Variants in ENPP7 observed in about 807,000 individuals in gnomAD.
ENPP7 encodes the protein ectonucleotide pyrophosphatase/phosphodiesterase family member 7.
ENPP7 carries 39 observed loss-of-function variants against 33.6 expected under a neutral mutation model. The ratio of observed to expected loss-of-function variants is 1.16; its 90% CI spans 0.90 to 1.52. The LOEUF is 1.52. Among genes scored for constraint, ENPP7 ranks in the 40% most tolerant of loss-of-function variants. The probability of loss-of-function intolerance (pLI) is 0.00; values close to 1 mark genes in which losing one functional copy is unlikely to be tolerated. For synonymous variants in ENPP7, 244 were observed against 274.3 expected (o/e 0.89, Z 1.09); for missense variants, 594 against 641.0 (o/e 0.93, Z 0.79).
rs782330921 is a variant in ENPP7 at position 79,735,204 on chromosome 17, C to T, written c.561C>T (p.Asp187=). 3 of 1,613,394 alleles carry T rather than the reference C, an allele frequency of 1.9e-6. No individual in the cohort carries two copies. In the East Asian group the frequency reaches 6.7e-5, roughly 36 times the overall value. The change falls in exon 3 of 6, where the codon GAC becomes GAT. Residue 187 remains aspartate (D), a synonymous_variant. Transcript: ENST00000328313. This position sits in a 1 kb window ranked among gnomAD's most constrained non-coding sequence, Gnocchi z 5.5. ...TGATGGCGTGGTTCACAGAGGAGGA[C>T]CTGGATCTGGTCACACTCTACTTCG... is the stretch of plus-strand genomic sequence containing the variant. ...DTVMAWFTEE[D]LDLVTLYFGE...
intron 1 of ENPP7, among the ~76,000 whole-genome samples, chr17:79,732,121 C>CATATATATATACAT: frequency 2.5e-4 from 12 of 48,752 alleles, no homozygotes; most frequent in Non-Finnish European, 3.5e-4. Flanking sequence ...TATATATATA[C>CATATATATATACAT]ATATATATAT....
chr17:79,736,854 C>G (rs1259929914), intron 3 of ENPP7, among the ~76,000 whole-genome samples, 187 bp from the exon 4 acceptor site: 1 of 152,214 alleles, frequency 6.6e-6, no homozygotes, highest in African/African-American at 2.4e-5. Context: ...TGGACCTTCC[C>G]TGAACTTCAC....
chr17:79,736,946 C>T (rs1555823699), intron 3 of ENPP7, 95 bp from the exon 4 acceptor site: 5 of 1,014,146 alleles, frequency 4.9e-6, no homozygotes, highest in Admixed American at 2.0e-5. Flanking sequence ...CGTTGGTGCT[C>T]CTTCCTAAGG....
chr17:79,737,468 G>C lies in ENPP7; in HGVS notation c.1246+208G>C, dbSNP rs1258972618. Among the ~76,000 whole-genome samples the C allele has an allele frequency of 6.6e-6, 1 of 152,212 alleles. No homozygotes were observed. Among genetic ancestry groups the C allele is most frequent in the African/African-American group, 2.4e-5 (1 of 41,458 alleles). ...CATCTCGGGCGGCACGAGAGGGCGAGGGGGAGGAGTGGGCAGTCTTGCTCA... is the reference window on the plus strand; with the variant it reads ...CATCTCGGGCGGCACGAGAGGGCGACGGGGAGGAGTGGGCAGTCTTGCTCA... On this transcript the variant is annotated intron_variant, in intron 4 of 5. Transcript: ENST00000328313. The surrounding 1 kb of genome is among the most constrained non-coding windows in gnomAD (Gnocchi z 5.5).
intron 5 of ENPP7, 49 bp from the exon 6 acceptor site, chr17:79,741,745 C>T: frequency 1.0e-6 from 1 of 980,148 alleles, no homozygotes; most frequent in Non-Finnish European, 1.2e-6. Context: ...TGCCCTCAGC[C>T]TGCCCCATCC....
In ENPP7 at chr17:79,738,134, T is replaced by A; in HGVS notation, c.*16+72T>A. 1 of 1,508,006 alleles carries A rather than the reference T, an allele frequency of 6.6e-7. No homozygotes were observed. 93.4% of individuals were successfully genotyped at this position (1,508,006 alleles called of 1,614,324 possible). ...TGACCCTCCACCCTGATGTCCCAGC[T>A]ACAGTCCTAGGCAACCAGAACAGAG... On this transcript the variant is annotated intron_variant, in intron 5 of 5. Coordinates refer to ENST00000328313, the MANE Select transcript of ENPP7 (RefSeq NM_178543.5). This position sits in a 1 kb window ranked among gnomAD's most constrained non-coding sequence, Gnocchi z 6.2.
intron 1 of ENPP7, among the ~76,000 whole-genome samples, chr17:79,732,281 A>C (rs34491636): frequency 6.6e-6 from 1 of 150,624 alleles, no homozygotes; most frequent in African/African-American, 2.4e-5. Flanking sequence ...TGTGTCAAAA[A>C]AACAAACAAT....
chr17:79,735,955 G>T lies in ENPP7; in HGVS notation c.1026+286G>T, dbSNP rs1305305555. 1.3e-5 allele frequency among the ~76,000 whole-genome samples: 2 copies of T among 152,158 alleles called. No homozygotes were observed. Among genetic ancestry groups the T allele is most frequent in the Non-Finnish European group, 2.9e-5 (2 of 68,014 alleles). On this transcript the variant is annotated intron_variant, in intron 3 of 5. Transcript: ENST00000328313. The surrounding 1 kb of genome is among the most constrained non-coding windows in gnomAD (Gnocchi z 5.5). ...ACAGAGTTTCACTCTTGTCATCCAG[G>T]CTGGAGGGTAATGGTGCCATCTTGG...
At position 79,731,407 on chromosome 17, in the gene ENPP7, G is replaced by A. The variant is rs782746941; in HGVS notation, c.253+15G>A. 17 of 1,599,424 alleles carry A rather than the reference G, an allele frequency of 1.1e-5. No individual in the cohort carries two copies. The highest frequency in any genetic ancestry group is 1.3e-5 in the Non-Finnish European group (15 of 1,170,962). On this transcript the variant is annotated intron_variant, in intron 1 of 5. Coordinates refer to ENST00000328313, the MANE Select transcript of ENPP7 (RefSeq NM_178543.5). ...CCTGGTCACCGGTGAGTACTGCCCT[G>A]TGACGGGGCCTGGGGGTGGGAGGGC...
intron 1 of ENPP7, among the ~76,000 whole-genome samples, chr17:79,732,129 T>TATATATACATATATAC (rs1401531400): frequency 9.3e-5 from 2 of 21,484 alleles, no homozygotes; most frequent in African/African-American, 3.6e-4. Context: ...TACATATATA[T>TATATATACATATATAC]ATGTATATAT....
rs2145795384 is a variant in ENPP7 at position 79,737,830 on chromosome 17, C to A, written c.1247-86C>A. The stretch of plus-strand genomic sequence containing the variant: ...AAGAGGAAGGAGGGGCTCGTGGGGA[C>A]CAACAGAGGACCCCGAGTTTACTGT... On this transcript the variant is annotated intron_variant, in intron 4 of 5. Coordinates refer to ENST00000328313, the MANE Select transcript of ENPP7 (RefSeq NM_178543.5). This position sits in a 1 kb window ranked among gnomAD's most constrained non-coding sequence, Gnocchi z 5.5. 6.8e-7 allele frequency: 1 copy of A among 1,473,400 alleles called. No individual in the cohort carries two copies. Among genetic ancestry groups the A allele is most frequent in the East Asian group, 2.3e-5 (1 of 43,934 alleles). 91.3% of individuals were successfully genotyped at this position (1,473,400 alleles called of 1,614,324 possible).
chr17:79,742,093 G>T lies in ENPP7; in HGVS notation c.*316G>T, dbSNP rs567519564. The T allele has an allele frequency of 6.5e-5, 22 of 340,186 alleles. No homozygotes were observed. Among genetic ancestry groups the T allele is most frequent in the Non-Finnish European group, 8.7e-5 (21 of 240,094 alleles). 21.1% of individuals were successfully genotyped at this position (340,186 alleles called of 1,614,324 possible). On this transcript the variant is annotated 3_prime_UTR_variant, in exon 6 of 6. Coordinates refer to ENST00000328313, the MANE Select transcript of ENPP7 (RefSeq NM_178543.5). ...CGCTCCCGAAGCGGCGCTGCCGTCT[G>T]CAGCCACGCGGGGGCGCGCGGGAGC...
chr17:79,733,648 A>C lies in ENPP7; in HGVS notation c.394A>C (p.Arg132=), dbSNP rs535733167. The C allele has an allele frequency of 1.8e-4, 294 of 1,610,832 alleles. 3 individuals carry two copies. The South Asian group carries it at 3.0e-3, about 17-fold the overall frequency. Residue 132 remains arginine, a synonymous_variant, in exon 2 of 6, where the codon AGG becomes CGG. Transcript: ENST00000328313. Reference sequence around the variant, plus strand: ...CGTGCCCATCTGGATCACAGCCCAGAGGCAGGTAATGTCACCCCCGCCCAT... The same window carrying C: ...CGTGCCCATCTGGATCACAGCCCAGCGGCAGGTAATGTCACCCCCGCCCAT... ...GSVPIWITAQ[R]QGLRAGSFFY...
intron 5 of ENPP7, 73 bp from the exon 6 acceptor site, chr17:79,741,721 T>A: frequency 4.7e-6 from 4 of 851,260 alleles, no homozygotes; most frequent in Non-Finnish European, 5.6e-6. Context: ...CTGCTTCACC[T>A]GTCCCACCAG....
rs1245871894 is a variant in ENPP7, at chr17:79,731,074, C to G, written c.-66C>G. ...GAGATCAGCCCGGGTGACCCTGGGA[C>G]TTTGTCCTCCTCGGCAGGAGCCAGC... On this transcript the variant is annotated 5_prime_UTR_variant, in exon 1 of 6. Transcript: ENST00000328313. The G allele has an allele frequency of 3.6e-5, 54 of 1,511,026 alleles. No individual in the cohort carries two copies. The highest frequency in any genetic ancestry group is 4.4e-5 in the Non-Finnish European group (50 of 1,129,454). The allele number at this position is 1,511,026 out of a possible 1,614,324, so 93.6% of individuals were successfully genotyped here. A position where few individuals can be genotyped will look rare whatever the true frequency, so the allele number is the denominator to read the frequency against.
chr17:79,733,925 G>T (rs1181157244), intron 2 of ENPP7, among the ~76,000 whole-genome samples: 5 of 152,206 alleles, frequency 3.3e-5, no homozygotes, highest in African/African-American at 1.2e-4. Context: ...GAGCAAGAGG[G>T]ATTGCTCTGT....
chr17:79,731,039 C>T lies in ENPP7; in HGVS notation c.-101C>T, dbSNP rs1598196234. On this transcript the variant is annotated 5_prime_UTR_variant, in exon 1 of 6. Coordinates refer to ENST00000328313, the MANE Select transcript of ENPP7 (RefSeq NM_178543.5). ...GATGTGCACAGCCACATTCCAAAGG[C>T]GCACGGGATGAGATCAGCCCGGGTG... is the stretch of plus-strand genomic sequence containing the variant. 5 of 1,327,628 alleles carry T rather than the reference C, an allele frequency of 3.8e-6. No homozygotes were observed. The highest frequency in any genetic ancestry group is 2.7e-4 in the Middle Eastern group (1 of 3,714). The allele number at this position is 1,327,628 out of a possible 1,614,324, so 82.2% of individuals were successfully genotyped here.
chr17:79,738,091 G>A lies in ENPP7; in HGVS notation c.*16+29G>A, dbSNP rs781964908. On this transcript the variant is annotated intron_variant, in intron 5 of 5. Transcript: ENST00000328313. The surrounding 1 kb of genome is among the most constrained non-coding windows in gnomAD (Gnocchi z 6.2). ...AGAGACCCAGAAGGCAGAGGCGGGAGGGTGGCCCCACGCTCCCTGACCCTC... is the reference window on the plus strand; with the variant it reads ...AGAGACCCAGAAGGCAGAGGCGGGAAGGTGGCCCCACGCTCCCTGACCCTC... 9.4e-6 allele frequency: 15 copies of A among 1,597,030 alleles called. No homozygotes were observed. The Admixed American group carries it at 1.7e-4, about 18-fold the overall frequency.
At chr17:79,732,467 C>G (rs910812999) in intron 1 of ENPP7, among the ~76,000 whole-genome samples, 1 of 152,040 alleles carries the variant, frequency 6.6e-6, no homozygotes, top group Non-Finnish European at 1.5e-5. Flanking sequence ...CCCACAGAAA[C>G]GGATCCGCAT....
Sources: gnomAD v4.1 joint callset for allele counts (sites outside exome capture counted in the v4.1 genomes callset) on GRCh38, gnomAD v4.1.1 for gene constraint, Gnocchi (gnomAD v3.1) non-coding constraint, MANE v1.5 for transcripts, NCBI Gene and HGNC (gene_info 2026-07-23, HGNC 2026-07-21) for gene names.